Variants in SEC63 observed in about 807,000 individuals in gnomAD.
The protein encoded by SEC63 is SEC63 protein translocation regulator, also known as translocation protein SEC63 homolog.
In SEC63, 56 loss-of-function variants were observed where a neutral mutation model predicts 116.2. The observed-to-expected ratio is 0.48, with a 90% CI of 0.39 to 0.60. The LOEUF (loss-of-function observed/expected upper bound fraction) is 0.60. Ranked by LOEUF, SEC63 falls within the 20% of genes least tolerant of loss-of-function variation. SEC63 has a pLI of 0.00. For synonymous variants in SEC63, 273 were observed against 294.6 expected, an observed-to-expected ratio of 0.93 and a Z score of 0.75; for missense variants, 668 against 900.0, an observed-to-expected ratio of 0.74 and a Z score of 3.30.
At chr6:107,880,940 T>G in intron 18 of SEC63, 1 of 504,958 alleles carries the variant, frequency 2.0e-6, no homozygotes, top group African/African-American at 1.9e-5. Context: ...CAGAAATACT[T>G]AAGAAGCTAA....
intron 10 of SEC63, 22 bp from the exon 11 acceptor site, chr6:107,904,743 G>A (rs1787104630): frequency 2.0e-6 from 3 of 1,532,222 alleles, no homozygotes; most frequent in Non-Finnish European, 2.7e-6. Context: ...TAAAAAACCT[G>A]AAACAGATCA....
intron 1 of SEC63, among the ~76,000 whole-genome samples, chr6:107,937,073 T>C (rs1257782305): frequency 2.0e-5 from 3 of 152,082 alleles, no homozygotes; most frequent in East Asian, 3.9e-4. Flanking sequence ...ATAAAGGACA[T>C]TTCATTCTTT....
At chr6:107,948,759 G>C (rs1459160154) in intron 1 of SEC63, among the ~76,000 whole-genome samples, 1 of 151,990 alleles carries the variant, frequency 6.6e-6, no homozygotes, top group African/African-American at 2.4e-5. Context: ...CCACCAAAAC[G>C]AACAACTGCT....
At chr6:107,929,097 T>C (rs915714610) in intron 2 of SEC63, among the ~76,000 whole-genome samples, 1 of 152,216 alleles carries the variant, frequency 6.6e-6, no homozygotes, top group African/African-American at 2.4e-5. Flanking sequence ...ATGTCACCTC[T>C]CCACTTCTGA....
At chr6:107,945,547 AC>A (rs1055636366) in intron 1 of SEC63, among the ~76,000 whole-genome samples, 1 of 151,084 alleles carries the variant, frequency 6.6e-6, no homozygotes, top group Non-Finnish European at 1.5e-5. Flanking sequence ...CTCGTGATCC[AC>A]CCCCCTCGGC....
At chr6:107,955,445 A>T (rs1049478903) in intron 1 of SEC63, among the ~76,000 whole-genome samples, 5 of 152,150 alleles carry the variant, frequency 3.3e-5, no homozygotes, top group African/African-American at 7.2e-5. Context: ...GGCAGGCGTG[A>T]GCCACCATGC....
chr6:107,892,855 A>G (rs1786715480), intron 16 of SEC63, among the ~76,000 whole-genome samples: 2 of 152,188 alleles, frequency 1.3e-5, no homozygotes, highest in South Asian at 4.1e-4. Context: ...ACGTAGAACA[A>G]GACTCTCACA....
intron 16 of SEC63, among the ~76,000 whole-genome samples, chr6:107,890,038 T>C (rs1470257638): frequency 6.6e-6 from 1 of 152,252 alleles, no homozygotes; most frequent in Non-Finnish European, 1.5e-5. Flanking sequence ...AATGTGGTGC[T>C]GAGAAGAATG....
intron 18 of SEC63, among the ~76,000 whole-genome samples, chr6:107,877,742 C>T (rs945250355): frequency 6.6e-6 from 1 of 152,148 alleles, no homozygotes; most frequent in Non-Finnish European, 1.5e-5. Flanking sequence ...ACGCCTGGCC[C>T]ATATTTATGT....
intron 18 of SEC63, among the ~76,000 whole-genome samples, chr6:107,878,345 A>G (rs546583888): frequency 2.6e-5 from 4 of 152,384 alleles, no homozygotes; most frequent in African/African-American, 7.2e-5. Context: ...CACATGCAGT[A>G]TAATAGGTGG....
At chr6:107,893,439 T>A in intron 16 of SEC63, 43 bp downstream of exon 16, 1 of 1,568,508 alleles carries the variant, frequency 6.4e-7, no homozygotes, top group South Asian at 1.1e-5. Flanking sequence ...TTAGTTTGTA[T>A]ATTTTAGCTT....
intron 1 of SEC63, among the ~76,000 whole-genome samples, chr6:107,949,405 C>T (rs1027293553): frequency 6.6e-6 from 1 of 151,788 alleles, no homozygotes; most frequent in African/African-American, 2.4e-5. Flanking sequence ...TTTGAGAGTC[C>T]GAGACATAGA....
intron 1 of SEC63, among the ~76,000 whole-genome samples, chr6:107,956,625 T>C (rs1040891862): frequency 2.0e-5 from 3 of 152,224 alleles, no homozygotes; most frequent in Non-Finnish European, 2.9e-5. Flanking sequence ...TTTTTAAACT[T>C]ATTGTCAAAC....
At chr6:107,928,013 G>A (rs951285048) in intron 2 of SEC63, among the ~76,000 whole-genome samples, 1 of 152,080 alleles carries the variant, frequency 6.6e-6, no homozygotes, top group African/African-American at 2.4e-5. Flanking sequence ...GGGGGGAGGG[G>A]CGGATTGTTT....
chr6:107,914,232 A>G (rs1259577780), intron 4 of SEC63, among the ~76,000 whole-genome samples: 2 of 152,182 alleles, frequency 1.3e-5, no homozygotes, highest in Non-Finnish European at 2.9e-5. Context: ...GTTAAGGAAT[A>G]TAAGGCAGAA....
At chr6:107,935,027 T>C (rs1022471927) in intron 1 of SEC63, among the ~76,000 whole-genome samples, 1 of 122,092 alleles carries the variant, frequency 8.2e-6, no homozygotes, top group Non-Finnish European at 1.7e-5. Context: ...AGCCACCCCG[T>C]CCGGGAGGTG....
At chr6:107,874,513 G>A (rs899365202) in intron 19 of SEC63, among the ~76,000 whole-genome samples, 4 of 149,906 alleles carry the variant, frequency 2.7e-5, no homozygotes, top group East Asian at 2.0e-4. Context: ...GGAGAATGGC[G>A]TGAACCCGGG....
chr6:107,930,623 A>G (rs1787779920), intron 1 of SEC63, among the ~76,000 whole-genome samples: 2 of 152,076 alleles, frequency 1.3e-5, no homozygotes, highest in African/African-American at 4.8e-5. Flanking sequence ...AACAAAAAAA[A>G]AAAGTAGAGT....
In SEC63 at chr6:107,902,868, A is replaced by C; in HGVS notation, c.1185T>G (p.Leu395=). The C allele has an allele frequency of 6.2e-7, 1 of 1,614,058 alleles. No individual in the cohort carries two copies. The highest frequency in any genetic ancestry group is 8.5e-7 in the Non-Finnish European group (1 of 1,179,924). The change falls in exon 12 of 21, where the codon CTT becomes CTG. Residue 395 remains leucine, a synonymous_variant. Transcript: ENST00000369002. ...LQLPHIEEDN[L]RRVSNHKKYK... is the part of the protein sequence containing the mutation. The stretch of plus-strand genomic sequence containing the variant: ...CCTTCTTATGATTAGAAACCCGTCT[A>C]AGATTGTCCTCTTCAATATGAGGGA...
Sources: allele counts gnomAD v4.1 joint callset (sites outside exome capture counted in the v4.1 genomes callset), GRCh38; gene constraint gnomAD v4.1.1; transcripts MANE v1.5; gene names NCBI Gene and HGNC (gene_info 2026-07-23, HGNC 2026-07-21).